Variants in EYA2 observed in about 807,000 individuals in gnomAD.
EYA2 encodes the protein protein phosphatase EYA2.
Under a neutral mutation model 69.2 loss-of-function variants are expected in EYA2, and 31 were observed. The ratio of observed to expected loss-of-function variants is 0.45; its 90% CI spans 0.34 to 0.60. The LOEUF is 0.60. Among genes scored for constraint, EYA2 ranks in the 20% least tolerant of loss-of-function variants. EYA2 has a pLI of 0.02. For synonymous variants in EYA2, 257 were observed against 279.4 expected (o/e 0.92, Z 0.80); for missense variants, 622 against 701.2 (o/e 0.89, Z 1.28).
At chr20:47,186,758 G>A (rs975204621) in intron 15 of EYA2, among the ~76,000 whole-genome samples, 3 of 152,122 alleles carry the variant, frequency 2.0e-5, no homozygotes, top group Non-Finnish European at 4.4e-5. Flanking sequence ...GCTTCCTCTG[G>A]CTGGCTCCCA....
chr20:46,922,791 A>C (rs1002163779), intron 1 of EYA2, among the ~76,000 whole-genome samples: 2 of 149,352 alleles, frequency 1.3e-5, no homozygotes, highest in African/African-American at 5.0e-5. Context: ...CATGGTCTTA[A>C]GTGATCTCTT....
chr20:47,186,440 T>C (rs1161628483), intron 15 of EYA2, among the ~76,000 whole-genome samples: 2 of 141,082 alleles, frequency 1.4e-5, no homozygotes, highest in African/African-American at 5.1e-5. Context: ...ACTCACTGCA[T>C]CCTCTGCCTC....
chr20:46,954,114 T>G (rs1978973685), intron 1 of EYA2, among the ~76,000 whole-genome samples: 1 of 152,194 alleles, frequency 6.6e-6, no homozygotes, highest in African/African-American at 2.4e-5. Flanking sequence ...CTTTCCTACC[T>G]CCTCTTCACA....
At position 47,115,933 on chromosome 20, in the gene EYA2, C is replaced by T. The variant is rs576782475; in HGVS notation, c.888+18765C>T. 1.8e-3 allele frequency among the ~76,000 whole-genome samples: 273 copies of T among 152,292 alleles called. 1 individual carries two copies. The highest frequency in any genetic ancestry group is 3.9e-3 in the South Asian group (19 of 4,828). On this transcript the variant is annotated intron_variant, in intron 9 of 15. Transcript: ENST00000327619. ...CAGCCTCCTGCTCACATGCACTTCCCACCACAGGGCCTTTGCACACACTGT... is the reference window on the plus strand; with the variant it reads ...CAGCCTCCTGCTCACATGCACTTCCTACCACAGGGCCTTTGCACACACTGT...
intron 1 of EYA2, among the ~76,000 whole-genome samples, chr20:46,909,597 T>C (rs1984547207): frequency 6.6e-6 from 1 of 152,220 alleles, no homozygotes; most frequent in African/African-American, 2.4e-5. Flanking sequence ...CGAGGAGGGC[T>C]GGTTTCAGGT....
At chr20:46,898,242 T>G (rs1000957045) in intron 1 of EYA2, among the ~76,000 whole-genome samples, 6 of 143,320 alleles carry the variant, frequency 4.2e-5, no homozygotes, top group African/African-American at 1.2e-4. Flanking sequence ...GTTTTTTGGG[T>G]TTTTGTGTTG....
At chr20:46,978,187 C>T (rs781186856) in intron 1 of EYA2, 8 of 178,062 alleles carry the variant, frequency 4.5e-5, no homozygotes, top group South Asian at 1.3e-4. Flanking sequence ...CACTGTAGAC[C>T]GAGGAATGGG....
At chr20:47,055,999 C>T (rs899160724) in intron 5 of EYA2, among the ~76,000 whole-genome samples, 4 of 152,190 alleles carry the variant, frequency 2.6e-5, no homozygotes, top group Admixed American at 6.5e-5. Context: ...GGCATTATCC[C>T]GACTTGTGTG....
Position 46,990,078 on chromosome 20 carries a change from A to G in EYA2, c.68A>G (p.Asn23Ser). 2 of 1,612,752 alleles carry G rather than the reference A, an allele frequency of 1.2e-6. No individual in the cohort carries two copies. The highest frequency in any genetic ancestry group is 1.7e-6 in the Non-Finnish European group (2 of 1,178,756). ...NSDCLDKLKFNRADAAVWTLS... is the reference protein window; with the variant it reads ...NSDCLDKLKFSRADAAVWTLS... ...GATTGTCTGGATAAACTGAAGTTTAACCGTGCTGACGCTGCTGTGTGGACT... is the reference window on the plus strand; with the variant it reads ...GATTGTCTGGATAAACTGAAGTTTAGCCGTGCTGACGCTGCTGTGTGGACT... Residue 23 changes from asparagine to serine, a missense_variant, in exon 2 of 16, where the codon AAC becomes AGC. Asn to Ser is a conservative substitution (Grantham distance 46). Around this residue, in one of 2 missense-constraint regions of EYA2, gnomAD observed 365 missense variants for 349.7 expected, o/e 1.04. Transcript: ENST00000327619.
intron 5 of EYA2, among the ~76,000 whole-genome samples, chr20:47,040,591 A>G (rs752861829): frequency 6.6e-6 from 1 of 152,226 alleles, no homozygotes; most frequent in Non-Finnish European, 1.5e-5. Context: ...CTCTGCTGTT[A>G]CACAAGGAAA....
Position 46,911,311 on chromosome 20 carries a change from A to G in EYA2, c.-11+16324A>G, listed in dbSNP as rs977241731. Among the ~76,000 whole-genome samples the G allele has an allele frequency of 5.3e-5, 8 of 152,098 alleles. No homozygotes were observed. In the East Asian group the frequency reaches 1.4e-3, roughly 26 times the overall value. On this transcript the variant is annotated intron_variant, in intron 1 of 15. Coordinates refer to ENST00000327619, the MANE Select transcript of EYA2 (RefSeq NM_005244.5). ...CATTTAATATGTCCATGTGGACATCATGCACCATCTAGAAGTAAATAGGTC... is the reference window on the plus strand; with the variant it reads ...CATTTAATATGTCCATGTGGACATCGTGCACCATCTAGAAGTAAATAGGTC...
In EYA2 at chr20:47,005,015, G is replaced by C. The variant is rs745389892; in HGVS notation, c.229G>C (p.Gly77Arg). Residue 77 changes from glycine (G) to arginine (R), a missense_variant, in exon 4 of 16, where the codon GGG becomes CGG. Physicochemically the swap from Gly to Arg is moderately radical, Grantham distance 125. This residue lies in a region of EYA2 where 365 missense variants were observed against 349.7 expected (regional missense o/e 1.04). Coordinates refer to ENST00000327619, the MANE Select transcript of EYA2 (RefSeq NM_005244.5). ...CTACGGCCAGACGCAGTACAGTGCG[G>C]GGATCCAGCAGGCTACCCCCTATAC... ...AAYGQTQYSA[G>R]IQQATPYTAY... 1 of 1,614,038 alleles carries C rather than the reference G, an allele frequency of 6.2e-7. No individual in the cohort carries two copies. The highest frequency in any genetic ancestry group is 1.1e-5 in the South Asian group (1 of 91,072).
chr20:47,171,161 C>A (rs915610106), intron 11 of EYA2, among the ~76,000 whole-genome samples: 5 of 151,846 alleles, frequency 3.3e-5, no homozygotes, highest in African/African-American at 1.2e-4. Flanking sequence ...GTGAGCAGCA[C>A]CGTTCTGTTT....
chr20:47,128,960 TA>T (rs2033266250), intron 9 of EYA2, among the ~76,000 whole-genome samples: 1 of 151,988 alleles, frequency 6.6e-6, no homozygotes. Context: ...CTGTCTTCAT[TA>T]AAAAATACAA....
chr20:47,101,376 C>G (rs2032418322), intron 9 of EYA2, among the ~76,000 whole-genome samples: 1 of 152,204 alleles, frequency 6.6e-6, no homozygotes, highest in Non-Finnish European at 1.5e-5. Flanking sequence ...CCTGAGCCAC[C>G]ACACCCAGCA....
At chr20:46,981,453 G>A (rs955019566) in intron 1 of EYA2, among the ~76,000 whole-genome samples, 3 of 152,168 alleles carry the variant, frequency 2.0e-5, no homozygotes, top group African/African-American at 7.2e-5. Context: ...ACTTTGTGAA[G>A]ATTAATATTT....
chr20:47,171,479 A>G (rs1186802966), intron 11 of EYA2, among the ~76,000 whole-genome samples: 1 of 152,134 alleles, frequency 6.6e-6, no homozygotes, highest in African/African-American at 2.4e-5. Context: ...GTTCTATTCT[A>G]AATGCATTAC....
chr20:46,922,726 A>G (rs1324733940), intron 1 of EYA2, among the ~76,000 whole-genome samples: 1 of 152,216 alleles, frequency 6.6e-6, no homozygotes, highest in African/African-American at 2.4e-5. Context: ...GTCAAGAATC[A>G]TCATCAATAG....
chr20:47,174,223 A>G (rs2034385170), intron 12 of EYA2, among the ~76,000 whole-genome samples: 1 of 152,150 alleles, frequency 6.6e-6, no homozygotes, highest in Non-Finnish European at 1.5e-5. Context: ...CCCTCCCTCC[A>G]TTCCTAGAAA....
Sources: gnomAD v4.1 joint callset for allele counts (sites outside exome capture counted in the v4.1 genomes callset) on GRCh38, gnomAD v4.1.1 for gene constraint, gnomAD v4.1.1 regional missense constraint, MANE v1.5 for transcripts, NCBI Gene and HGNC (gene_info 2026-07-23, HGNC 2026-07-21) for gene names.